NCOR2: variants seen among roughly 807,000 people sequenced by gnomAD.
The protein encoded by NCOR2 is CTG repeat protein 26.
A neutral mutation model predicts 262.9 loss-of-function variants in NCOR2; 81 were observed. The ratio of observed to expected loss-of-function variants is 0.31; its 90% CI spans 0.26 to 0.37. NCOR2 has a LOEUF of 0.37. Ranked by LOEUF, NCOR2 falls within the 10% of genes least tolerant of loss-of-function variation. The pLI is 1.00. For missense variants in NCOR2, 3,385 were observed against 3,621.4 expected (o/e 0.93, Z 1.68); for synonymous variants, 1,659 against 1,559.3 (o/e 1.06, Z -1.51).
In NCOR2 at chr12:124,344,582, G is replaced by A; in HGVS notation, c.4714+15C>T. 1 of 1,442,602 alleles carries A rather than the reference G, an allele frequency of 6.9e-7. No homozygotes were observed. Among genetic ancestry groups the A allele is most frequent in the Admixed American group, 2.8e-5 (1 of 35,830 alleles). The allele number at this position is 1,442,602 out of a possible 1,614,324, so 89.4% of individuals were successfully genotyped here. A position where few individuals can be genotyped will look rare whatever the true frequency, so the allele number is the denominator to read the frequency against. On this transcript the variant is annotated intron_variant, in intron 32 of 46. Coordinates refer to ENST00000405201, the Ensembl canonical transcript of NCOR2. Reference sequence around the variant, plus strand: ...AGGCGCCCACCCCACTCACGCCCATGCACACCCCACTCACCCTCCTGCAGG... The same window carrying A: ...AGGCGCCCACCCCACTCACGCCCATACACACCCCACTCACCCTCCTGCAGG...
chr12:124,487,270 C>A (rs1215089236), intron 1 of NCOR2, among the ~76,000 whole-genome samples: 2 of 152,206 alleles, frequency 1.3e-5, no homozygotes, highest in Non-Finnish European at 2.9e-5. Flanking sequence ...TGGCGACAAA[C>A]ACCCGACAGC....
rs1386476110 is a variant in NCOR2, at chr12:124,378,829, C to G, written c.2020-445G>C. On this transcript the variant is annotated intron_variant, in intron 17 of 46. Coordinates refer to ENST00000405201, the Ensembl canonical transcript of NCOR2. The surrounding 1 kb of genome is among the most constrained non-coding windows in gnomAD (Gnocchi z 4.2). ...AGGCCAGCCTGGGAAGCTCGCGTTT[C>G]ATTCCCTGAACCTTTACAGAACACC... is the stretch of plus-strand genomic sequence containing the variant. Among the ~76,000 whole-genome samples the G allele has an allele frequency of 6.6e-6, 1 of 152,254 alleles. No homozygotes were observed. Among genetic ancestry groups the G allele is most frequent in the Non-Finnish European group, 1.5e-5 (1 of 68,044 alleles).
intron 41 of NCOR2, among the ~76,000 whole-genome samples, chr12:124,333,966 G>A (rs1320846436): frequency 1.3e-5 from 2 of 150,538 alleles, no homozygotes; most frequent in African/African-American, 2.5e-5. Flanking sequence ...GTGTGTGTGC[G>A]GGTGCGCATG....
Position 124,344,924 on chromosome 12 carries a change from C to A in NCOR2, c.4387G>T (p.Ala1463Ser), listed in dbSNP as rs373008881. Reference sequence around the variant, plus strand: ...TGCTTTTTGGAGCCAGTGGTGGACGCGCCGGTGTCGTACTTGAGCGGGGTG... The same window carrying A: ...TGCTTTTTGGAGCCAGTGGTGGACGAGCCGGTGTCGTACTTGAGCGGGGTG... Residue 1463 changes from alanine (A) to serine (S), a missense_variant, in exon 32 of 47, where the codon GCG becomes TCG. Transcript: ENST00000405201. 2.6e-6 allele frequency: 4 copies of A among 1,562,284 alleles called. 1 individual carries two copies. Among genetic ancestry groups the A allele is most frequent in the Non-Finnish European group, 3.5e-6 (4 of 1,152,160 alleles).
intron 1 of NCOR2, among the ~76,000 whole-genome samples, chr12:124,505,723 A>G (rs1300146346): frequency 1.3e-5 from 2 of 152,174 alleles, no homozygotes; most frequent in Non-Finnish European, 2.9e-5. Flanking sequence ...AAGAGCCCCC[A>G]GAAGGAGAGC....
chr12:124,526,765 C>T (rs1443073475), intron 1 of NCOR2, among the ~76,000 whole-genome samples: 2 of 152,180 alleles, frequency 1.3e-5, no homozygotes, highest in Non-Finnish European at 2.9e-5. Context: ...GCCCCTTCCA[C>T]GTCAGGCACA....
At chr12:124,370,620 G>C (rs576613116) in intron 20 of NCOR2, among the ~76,000 whole-genome samples, 1 of 152,244 alleles carries the variant, frequency 6.6e-6, no homozygotes, top group Non-Finnish European at 1.5e-5. Context: ...CGCAGTCTCC[G>C]CGGGTCTGCC....
At chr12:124,500,796 G>C (rs1168551550) in intron 1 of NCOR2, among the ~76,000 whole-genome samples, 2 of 152,108 alleles carry the variant, frequency 1.3e-5, no homozygotes, top group African/African-American at 4.8e-5. Context: ...GTTCAGACCT[G>C]GGGAGGGTGG....
chr12:124,330,551 G>A (rs771331344), intron 44 of NCOR2, among the ~76,000 whole-genome samples: 1 of 152,230 alleles, frequency 6.6e-6, no homozygotes, highest in Non-Finnish European at 1.5e-5. Flanking sequence ...TGAGGCTGGC[G>A]AAGAAGCAAG....
rs561252366 is a variant in NCOR2, at chr12:124,359,743, C to T, written c.3100+2383G>A. On this transcript the variant is annotated intron_variant, in intron 22 of 46. Transcript: ENST00000405201. The stretch of plus-strand genomic sequence containing the variant: ...GGCTAGGCCAGGCTGGGCGGGCGGC[C>T]GAGAGCCTGGAGAGACAACCTGTTC... 2.8e-4 allele frequency among the ~76,000 whole-genome samples: 43 copies of T among 152,320 alleles called. 1 individual carries two copies. The highest frequency in any genetic ancestry group is 9.6e-4 in the African/African-American group (40 of 41,576).
exon 31 of NCOR2, chr12:124,346,621 C>A: frequency 6.3e-7 from 1 of 1,593,998 alleles, no homozygotes; most frequent in Non-Finnish European, 8.5e-7. Context: ...CGGGCGTGTG[C>A]CGCAGCTCCT....
chr12:124,474,365 G>C (rs1006449479), intron 3 of NCOR2, among the ~76,000 whole-genome samples: 1 of 152,156 alleles, frequency 6.6e-6, no homozygotes, highest in African/African-American at 2.4e-5. Context: ...TTATTTGCCC[G>C]TTATTTTTTC....
chr12:124,398,588 C>G (rs2041822349), intron 15 of NCOR2, among the ~76,000 whole-genome samples: 1 of 152,214 alleles, frequency 6.6e-6, no homozygotes, highest in Non-Finnish European at 1.5e-5. Flanking sequence ...CAGTGGGACA[C>G]AAGCTTCAGG....
At chr12:124,356,930 G>T (rs1296743568) in intron 22 of NCOR2, 148 bp from the exon 25 acceptor site, 3 of 1,023,992 alleles carry the variant, frequency 2.9e-6, no homozygotes, top group Middle Eastern at 3.2e-4. Flanking sequence ...AGCCCCCCAA[G>T]TCTGCCTGCC....
intron 8 of NCOR2, among the ~76,000 whole-genome samples, chr12:124,435,826 C>G (rs1182466837): frequency 1.3e-5 from 2 of 152,218 alleles, no homozygotes; most frequent in Non-Finnish European, 2.9e-5. Context: ...ACCAGGTGGT[C>G]TGGGTTCAAA....
At chr12:124,328,548 A>G (rs973863508) in intron 44 of NCOR2, 1 of 150,628 alleles carries the variant, frequency 6.6e-6, no homozygotes, top group Admixed American at 6.6e-5. Flanking sequence ...CTTTCTTGTG[A>G]ACCACGTGGA....
intron 1 of NCOR2, among the ~76,000 whole-genome samples, chr12:124,529,061 C>A (rs1410363971): frequency 1.3e-5 from 2 of 151,780 alleles, no homozygotes; most frequent in Non-Finnish European, 2.9e-5. Flanking sequence ...TGCCTATAAT[C>A]CCAGCTTCTA....
intron 38 of NCOR2, chr12:124,336,097 G>C (rs554552240): frequency 5.9e-6 from 1 of 169,686 alleles, no homozygotes; most frequent in South Asian, 1.6e-4. Flanking sequence ...CTAGGGCCAA[G>C]GCAGGGGTCC....
intron 19 of NCOR2, 78 bp from the exon 22 acceptor site, chr12:124,372,688 C>A (rs1702329): frequency 2.5e-5 from 34 of 1,346,788 alleles, no homozygotes; most frequent in Non-Finnish European, 3.1e-5. Context: ...CCTGACCCTC[C>A]GGATGAGGCC....
Sources: gnomAD v4.1 joint callset for allele counts (sites outside exome capture counted in the v4.1 genomes callset) on GRCh38, gnomAD v4.1.1 for gene constraint, Gnocchi (gnomAD v3.1) non-coding constraint, MANE v1.5 for transcripts, NCBI Gene and HGNC (gene_info 2026-07-23, HGNC 2026-07-21) for gene names.